CEP295: variants seen among roughly 807,000 people sequenced by gnomAD.
The protein encoded by CEP295 is centrosomal protein of 295 kDa.
A neutral mutation model predicts 291.6 loss-of-function variants in CEP295; 190 were observed. The observed-to-expected ratio is 0.65, with a 90% confidence interval of 0.58 to 0.73. CEP295 has a LOEUF of 0.73. CEP295 is among the 30% of genes least tolerant of loss of function. CEP295 has a pLI of 0.00. For missense variants in CEP295, 2,863 were observed against 2,949.4 expected (o/e 0.97, Z 0.68); for synonymous variants, 993 against 1,038.8 (o/e 0.96, Z 0.85).
intron 23 of CEP295, among the ~76,000 whole-genome samples, chr11:93,726,336 G>A (rs573019491): frequency 1.3e-5 from 2 of 152,296 alleles, no homozygotes; most frequent in Non-Finnish European, 2.9e-5. Flanking sequence ...GTTTCACTAT[G>A]TTGGTCAGGC....
intron 7 of CEP295, among the ~76,000 whole-genome samples, chr11:93,680,852 CTT>C (rs952621360): frequency 2.0e-5 from 3 of 152,080 alleles, no homozygotes; most frequent in African/African-American, 4.8e-5. Flanking sequence ...AAATACCCAT[CTT>C]AGGAATGAGT....
At chr11:93,665,734 A>G (rs972701965) in intron 1 of CEP295, among the ~76,000 whole-genome samples, 45 of 152,206 alleles carry the variant, frequency 3.0e-4, no homozygotes, top group Non-Finnish European at 5.9e-5. Context: ...GATCTGGAAA[A>G]CTAAACGCTT....
chr11:93,697,121 T>G lies in CEP295; in HGVS notation c.2209T>G (p.Leu737Val). The change falls in exon 15 of 30, where the codon TTG becomes GTG. Residue 737 changes from leucine (L) to valine (V), a missense_variant. This residue lies in a region of CEP295 where 2,295 missense variants were observed against 2,335.7 expected (regional missense o/e 0.98). Coordinates refer to ENST00000325212, the MANE Select transcript of CEP295 (RefSeq NM_033395.2). ...AGATTCTGAGACACTTTCAAGGGCTTTGTCACATGACAGGCAGCTAATATC... is the reference window on the plus strand; with the variant it reads ...AGATTCTGAGACACTTTCAAGGGCTGTGTCACATGACAGGCAGCTAATATC... ...PKDSETLSRA[L>V]SHDRQLISQD... The G allele has an allele frequency of 6.4e-7, 1 of 1,551,844 alleles. No individual in the cohort carries two copies. The highest frequency in any genetic ancestry group is 8.7e-7 in the Non-Finnish European group (1 of 1,147,024).
In CEP295 at chr11:93,723,049, T is replaced by A. The variant is rs1372000765; in HGVS notation, c.5956T>A (p.Ser1986Thr). Residue 1986 changes from serine to threonine, a missense_variant, in exon 21 of 30, where the codon TCA becomes ACA. Ser to Thr is a moderately conservative substitution (Grantham distance 58). Transcript: ENST00000325212. The stretch of plus-strand genomic sequence containing the variant: ...TTAAACTCAATTTTCAGAGTCATTT[T>A]CAGAGCACATGGATGATAGCAAGCA... ...DLSLTDPESFSEHMDDSKQES... is the reference protein window; with the variant it reads ...DLSLTDPESFTEHMDDSKQES... 2 of 1,550,186 alleles carry A rather than the reference T, an allele frequency of 1.3e-6. No homozygotes were observed. The highest frequency in any genetic ancestry group is 2.7e-5 in the African/African-American group (2 of 73,040).
chr11:93,701,908 TAA>T (rs1216375439), intron 15 of CEP295, among the ~76,000 whole-genome samples: 2 of 152,050 alleles, frequency 1.3e-5, no homozygotes, highest in East Asian at 1.9e-4. Flanking sequence ...GGCTGTAGGC[TAA>T]GTTTTTAAGT....
intron 5 of CEP295, among the ~76,000 whole-genome samples, chr11:93,670,315 G>GA (rs1276019641): frequency 7.3e-5 from 11 of 151,528 alleles, no homozygotes; most frequent in African/African-American, 2.7e-4. Flanking sequence ...AAGAAAAGAG[G>GA]AAAAAAATAT....
chr11:93,697,045 G>T lies in CEP295; in HGVS notation c.2133G>T (p.Arg711Ser). Reference sequence around the variant, plus strand: ...CTTTAGAATCACAAGAACATCTAAGGCAATTCTCTCAGACTGAAACACAAC... The same window carrying T: ...CTTTAGAATCACAAGAACATCTAAGTCAATTCTCTCAGACTGAAACACAAC... ...NQALESQEHL[R>S]QFSQTETQQR... The change falls in exon 15 of 30, where the codon AGG becomes AGT. Residue 711 changes from arginine to serine, a missense_variant. By Grantham distance (110) the Arg-to-Ser change is moderately radical. Around this residue, in one of 3 missense-constraint regions of CEP295, gnomAD observed 2,295 missense variants for 2,335.7 expected, o/e 0.98. Transcript: ENST00000325212. 6.4e-7 allele frequency: 1 copy of T among 1,551,568 alleles called. No homozygotes were observed.
In CEP295 at chr11:93,702,581, G is replaced by C. The variant is rs1249271794; in HGVS notation, c.5396G>C (p.Arg1799Thr). 8 of 1,550,876 alleles carry C rather than the reference G, an allele frequency of 5.2e-6. No individual in the cohort carries two copies. The South Asian group carries it at 7.2e-5, about 14-fold the overall frequency. The change falls in exon 16 of 30, where the codon AGG becomes ACG. Residue 1799 changes from arginine to threonine, a missense_variant. Around this residue, in one of 3 missense-constraint regions of CEP295, gnomAD observed 2,295 missense variants for 2,335.7 expected, o/e 0.98. Coordinates refer to ENST00000325212, the MANE Select transcript of CEP295 (RefSeq NM_033395.2). ...CAAGAAAATATTAGGCATGCAGATA[G>C]GAACAACTCTGATGATAATCATTTG... ...NDQENIRHAD[R>T]NNSDDNHLAS...
Position 93,702,556 on chromosome 11 carries a change from C to G in CEP295, c.5371C>G (p.Gln1791Glu). ...PNTQDLAGND[Q>E]ENIRHADRNN... Reference sequence around the variant, plus strand: ...TACACAAGACCTAGCAGGAAATGATCAAGAAAATATTAGGCATGCAGATAG... The same window carrying G: ...TACACAAGACCTAGCAGGAAATGATGAAGAAAATATTAGGCATGCAGATAG... The change falls in exon 16 of 30, where the codon CAA becomes GAA. Residue 1791 changes from glutamine to glutamate, a missense_variant. By Grantham distance (29) the Gln-to-Glu change is conservative. Coordinates refer to ENST00000325212, the MANE Select transcript of CEP295 (RefSeq NM_033395.2). 1 of 1,551,130 alleles carries G rather than the reference C, an allele frequency of 6.4e-7. No individual in the cohort carries two copies. Among genetic ancestry groups the G allele is most frequent in the Non-Finnish European group, 8.7e-7 (1 of 1,146,726 alleles).
At chr11:93,708,740 T>TAGTGGTG (rs1379963735) in intron 18 of CEP295, among the ~76,000 whole-genome samples, 1 of 152,200 alleles carries the variant, frequency 6.6e-6, no homozygotes, top group Non-Finnish European at 1.5e-5. Flanking sequence ...CTGCTCTTCA[T>TAGTGGTG]AGTGGCTGTA....
chr11:93,667,955 G>T, intron 3 of CEP295, 148 bp downstream of exon 3: 1 of 609,968 alleles, frequency 1.6e-6, no homozygotes, highest in Non-Finnish European at 2.9e-6. Flanking sequence ...AATGTAATTT[G>T]TGAATAATAG....
chr11:93,690,256 A>C (rs748539818), intron 10 of CEP295, among the ~76,000 whole-genome samples: 3 of 151,038 alleles, frequency 2.0e-5, no homozygotes, highest in Non-Finnish European at 4.4e-5. Flanking sequence ...CTAAAAATAC[A>C]AAAGATTAGC....
intron 1 of CEP295, among the ~76,000 whole-genome samples, chr11:93,664,701 TC>T (rs1184578916): frequency 6.6e-6 from 1 of 152,176 alleles, no homozygotes; most frequent in Non-Finnish European, 1.5e-5. Flanking sequence ...GGTGAATAAG[TC>T]CATTCTGCCC....
Position 93,698,577 on chromosome 11 carries a change from C to T in CEP295, c.3665C>T (p.Ser1222Leu). ...TCTGAGAGATTCCAGGAATGTATAT[C>T]AATCAAGAGTGACAGTACCATTCCC... ...DESERFQECI[S>L]IKSDSTIPLS... Residue 1222 changes from serine to leucine, a missense_variant, in exon 15 of 30, where the codon TCA (serine) becomes TTA (leucine). By Grantham distance (145) the Ser-to-Leu change is moderately radical. Coordinates refer to ENST00000325212, the MANE Select transcript of CEP295 (RefSeq NM_033395.2). 1 of 1,552,074 alleles carries T rather than the reference C, an allele frequency of 6.4e-7. No homozygotes were observed. The highest frequency in any genetic ancestry group is 1.7e-4 in the Middle Eastern group (1 of 5,996).
chr11:93,698,665 A>G lies in CEP295; in HGVS notation c.3753A>G (p.Leu1251=), dbSNP rs948646190. 3.2e-6 allele frequency: 5 copies of G among 1,550,756 alleles called. No individual in the cohort carries two copies. Among genetic ancestry groups the G allele is most frequent in the Admixed American group, 2.0e-5 (1 of 51,012 alleles). ...TTTTGAGAGTTTCACAACATATGCTACCTCTACAAGATAATTTGGAGGAAC... is the reference window on the plus strand; with the variant it reads ...TTTTGAGAGTTTCACAACATATGCTGCCTCTACAAGATAATTTGGAGGAAC... The part of the protein sequence containing the change: ...ERLLRVSQHM[L]PLQDNLEEHQ... Residue 1251 remains leucine (L), a synonymous_variant, in exon 15 of 30, where the codon CTA becomes CTG. Coordinates refer to ENST00000325212, the MANE Select transcript of CEP295 (RefSeq NM_033395.2).
rs1240517434 is a variant in CEP295 at position 93,690,493 on chromosome 11, A to G, written c.1337-1190A>G. Among the ~76,000 whole-genome samples the G allele has an allele frequency of 2.8e-5, 4 of 145,132 alleles. No homozygotes were observed. In the Admixed American group the frequency reaches 2.8e-4, roughly 10 times the overall value. On this transcript the variant is annotated intron_variant, in intron 10 of 29. Transcript: ENST00000325212. ...AGAATGGCGTGAACCTGGGAGGTGG[A>G]GCTTGCAGTGAGCCGAGATCGGGCC...
At chr11:93,706,596 T>A in intron 17 of CEP295, 149 bp from the exon 18 acceptor site, 1 of 567,534 alleles carries the variant, frequency 1.8e-6, no homozygotes, top group Non-Finnish European at 2.9e-6. Context: ...ACAAATAATA[T>A]AAAAGCTTGA....
In CEP295 at chr11:93,699,840, CCT is replaced by C; in HGVS notation, c.4931_4932del (p.Ser1644PhefsTer20). 2.6e-6 allele frequency: 4 copies of C among 1,552,186 alleles called. No homozygotes were observed. Among genetic ancestry groups the C allele is most frequent in the Non-Finnish European group, 2.6e-6 (3 of 1,147,098 alleles). ...AGTGAATCTGCTGAGCATACTATCC[CCT>C]CTTTGTTTCTACCCAAGGAAACAGA... On this transcript the variant is annotated frameshift_variant, in exon 15 of 30. Coordinates refer to ENST00000325212, the MANE Select transcript of CEP295 (RefSeq NM_033395.2). LOFTEE classifies it high-confidence loss of function.
intron 17 of CEP295, among the ~76,000 whole-genome samples, chr11:93,705,309 A>G (rs1475369898): frequency 6.6e-6 from 1 of 152,228 alleles, no homozygotes; most frequent in African/African-American, 2.4e-5. Context: ...ATATGCATAA[A>G]TAGATATACA....
Sources: allele counts gnomAD v4.1 joint callset (sites outside exome capture counted in the v4.1 genomes callset), GRCh38; gene constraint gnomAD v4.1.1; regional missense constraint gnomAD v4.1.1; transcripts MANE v1.5; gene names NCBI Gene and HGNC (gene_info 2026-07-23, HGNC 2026-07-21).